ADAMTS17: variants seen among roughly 807,000 people sequenced by gnomAD.
ADAMTS17 encodes A disintegrin and metalloproteinase with thrombospondin motifs 17.
ADAMTS17 carries 113 observed loss-of-function variants against 141.5 expected under a neutral mutation model. The observed-to-expected ratio is 0.80, with a 90% CI of 0.69 to 0.93. ADAMTS17 has a LOEUF of 0.93. Among genes scored for constraint, ADAMTS17 ranks in the 40% least tolerant of loss-of-function variants. The pLI, the probability that ADAMTS17 is intolerant of heterozygous loss-of-function variation, is 0.00. For missense variants in ADAMTS17, 1,659 were observed against 1,517.9 expected (o/e 1.09, Z -1.54); for synonymous variants, 768 against 630.6 (o/e 1.22, Z -3.27).
chr15:100,270,743 T>C (rs948749266), intron 4 of ADAMTS17, among the ~76,000 whole-genome samples: 1 of 60,528 alleles, frequency 1.7e-5, no homozygotes, highest in African/African-American at 6.2e-5. Context: ...TTAAAAATTG[T>C]GGTAAAATAT....
chr15:100,159,594 T>C (rs2039595602), intron 8 of ADAMTS17, among the ~76,000 whole-genome samples: 1 of 152,244 alleles, frequency 6.6e-6, no homozygotes, highest in Non-Finnish European at 1.5e-5. Flanking sequence ...ACAGAGGTTA[T>C]AGAAATAAAA....
chr15:99,980,566 C>G (rs1176597142), intron 20 of ADAMTS17: 1 of 152,280 alleles, frequency 6.6e-6, no homozygotes, highest in Non-Finnish European at 1.5e-5. Flanking sequence ...AGGAACCCGC[C>G]TCACTCCCCT....
At chr15:100,115,600 G>T (rs1207626450) in intron 13 of ADAMTS17, among the ~76,000 whole-genome samples, 1 of 152,156 alleles carries the variant, frequency 6.6e-6, no homozygotes, top group Non-Finnish European at 1.5e-5. Context: ...AAAAGCTGCA[G>T]ATCTGAGGCT....
At chr15:100,228,971 T>C (rs986527262) in intron 7 of ADAMTS17, among the ~76,000 whole-genome samples, 1 of 152,164 alleles carries the variant, frequency 6.6e-6, no homozygotes, top group Non-Finnish European at 1.5e-5. Context: ...AGTGCTTCCG[T>C]TAAATTTCAG....
chr15:100,040,014 G>A (rs1425150904), intron 18 of ADAMTS17, among the ~76,000 whole-genome samples: 2 of 152,040 alleles, frequency 1.3e-5, no homozygotes, highest in Admixed American at 6.6e-5. Flanking sequence ...TAGCACTCCT[G>A]CTTTCTGTCT....
chr15:100,059,339 A>G (rs2032925593), intron 15 of ADAMTS17, among the ~76,000 whole-genome samples: 1 of 152,244 alleles, frequency 6.6e-6, no homozygotes, highest in African/African-American at 2.4e-5. Context: ...TCCAGCTCAG[A>G]GCCTGCACGC....
rs564805017 is a variant in ADAMTS17 at position 100,287,369 on chromosome 15, A to C, written c.617-5968T>G. Among the ~76,000 whole-genome samples the C allele has an allele frequency of 6.6e-5, 10 of 152,310 alleles. No individual in the cohort carries two copies. The South Asian group carries it at 2.1e-3, about 32-fold the overall frequency. On this transcript the variant is annotated intron_variant, in intron 3 of 21. Transcript: ENST00000268070. ...AGAAAAAAAGAATGAATAAAACCTC[A>C]AGAAATATGGAATTATGTAAAGAGA...
chr15:100,245,925 T>G (rs982624652), intron 7 of ADAMTS17, among the ~76,000 whole-genome samples: 4 of 152,152 alleles, frequency 2.6e-5, no homozygotes, highest in African/African-American at 9.7e-5. Flanking sequence ...GGTATTTGTG[T>G]GTAGGTAAGA....
intron 6 of ADAMTS17, among the ~76,000 whole-genome samples, chr15:100,260,109 T>C (rs1228038416): frequency 6.6e-6 from 1 of 152,066 alleles, no homozygotes; most frequent in African/African-American, 2.4e-5. Context: ...CCTCCCAAAG[T>C]GCTGGGATTA....
chr15:100,286,393 C>T (rs1326088226), intron 3 of ADAMTS17, among the ~76,000 whole-genome samples: 1 of 152,176 alleles, frequency 6.6e-6, no homozygotes, highest in Non-Finnish European at 1.5e-5. Context: ...TTCCACCGCT[C>T]CTATGAAGTA....
chr15:100,234,413 G>A (rs533245264), intron 7 of ADAMTS17, among the ~76,000 whole-genome samples: 2 of 152,272 alleles, frequency 1.3e-5, no homozygotes, highest in South Asian at 2.1e-4. Context: ...TGAAGGATAC[G>A]GGCCCACAGT....
intron 8 of ADAMTS17, among the ~76,000 whole-genome samples, chr15:100,170,326 A>C (rs76984050): frequency 0.067 from 10,145 of 152,184 alleles, 516 homozygotes; most frequent in East Asian, 0.17. Flanking sequence ...ACTTAAAGGG[A>C]CCTTGTAGCT....
intron 15 of ADAMTS17, among the ~76,000 whole-genome samples, chr15:100,082,523 C>A (rs2034813063): frequency 6.6e-6 from 1 of 151,924 alleles, no homozygotes; most frequent in Non-Finnish European, 1.5e-5. Context: ...GTAGTGGGGA[C>A]TTCAGGCACA....
At chr15:100,200,969 C>G (rs1037494072) in intron 7 of ADAMTS17, among the ~76,000 whole-genome samples, 1 of 152,246 alleles carries the variant, frequency 6.6e-6, no homozygotes, top group African/African-American at 2.4e-5. Context: ...CTTCCATGAA[C>G]TTGCCTGAGG....
At chr15:100,010,494 T>C (rs1056323173) in intron 18 of ADAMTS17, among the ~76,000 whole-genome samples, 1 of 152,190 alleles carries the variant, frequency 6.6e-6, no homozygotes, top group Non-Finnish European at 1.5e-5. Flanking sequence ...TGCAACACTG[T>C]TCTCCACGTG....
At chr15:100,250,932 T>C (rs2043134208) in intron 7 of ADAMTS17, among the ~76,000 whole-genome samples, 1 of 152,196 alleles carries the variant, frequency 6.6e-6, no homozygotes, top group Admixed American at 6.5e-5. Flanking sequence ...GATGCTGAGA[T>C]CAATATACGA....
intron 18 of ADAMTS17, among the ~76,000 whole-genome samples, chr15:100,045,985 A>G (rs2031650998): frequency 6.6e-6 from 1 of 152,094 alleles, no homozygotes; most frequent in South Asian, 2.1e-4. Flanking sequence ...GGTTCAAGCA[A>G]TTCTCCTGCC....
At chr15:100,238,272 CCTT>C (rs760374471) in intron 7 of ADAMTS17, among the ~76,000 whole-genome samples, 28 of 152,214 alleles carry the variant, frequency 1.8e-4, no homozygotes, top group Non-Finnish European at 2.4e-4. Context: ...CACTTCCCAC[CCTT>C]CTTATCTGCT....
At chr15:100,129,434 C>T (rs1227404164) in intron 12 of ADAMTS17, 1 of 152,200 alleles carries the variant, frequency 6.6e-6, no homozygotes, top group East Asian at 1.9e-4. Context: ...AAGTACCAGC[C>T]GTCGGCGCTA....
Sources: gnomAD v4.1 joint callset for allele counts (sites outside exome capture counted in the v4.1 genomes callset) on GRCh38, gnomAD v4.1.1 for gene constraint, MANE v1.5 for transcripts, NCBI Gene and HGNC (gene_info 2026-07-23, HGNC 2026-07-21) for gene names.